TMEM132D: variants seen among roughly 807,000 people sequenced by gnomAD.
TMEM132D encodes the protein mature OL transmembrane protein.
A neutral mutation model predicts 62.3 loss-of-function variants in TMEM132D; 21 were observed. That is an observed-to-expected ratio of 0.34 (90% CI 0.24 to 0.49). The LOEUF (loss-of-function observed/expected upper bound fraction) is 0.49. Among genes scored for constraint, TMEM132D ranks in the 20% least tolerant of loss-of-function variants. The pLI is 0.99. For missense variants in TMEM132D, 1,346 were observed against 1,402.8 expected, an observed-to-expected ratio of 0.96 and a Z score of 0.65; for synonymous variants, 621 against 575.6, an observed-to-expected ratio of 1.08 and a Z score of -1.13.
At chr12:129,104,737 T>C (rs867423745) in intron 5 of TMEM132D, among the ~76,000 whole-genome samples, 3,303 of 149,676 alleles carry the variant, frequency 0.022, 136 homozygotes, top group African/African-American at 0.079. Flanking sequence ...GCGAAGGACA[T>C]GGACAGACAC....
chr12:129,195,607 C>T (rs2135558489), intron 5 of TMEM132D, among the ~76,000 whole-genome samples: 1 of 151,206 alleles, frequency 6.6e-6, no homozygotes, highest in South Asian at 2.1e-4. Context: ...ATAGTTAAAC[C>T]AGGGAAGGCT....
At chr12:129,084,967 G>C in intron 5 of TMEM132D, 1 of 535,764 alleles carries the variant, frequency 1.9e-6, no homozygotes. Context: ...CTCCCCAGGG[G>C]CTGCGTGTGT....
chr12:129,244,400 A>C (rs1277323761), intron 4 of TMEM132D, among the ~76,000 whole-genome samples: 3 of 136,284 alleles, frequency 2.2e-5, no homozygotes, highest in East Asian at 2.0e-4. Flanking sequence ...AAAAAAAAAA[A>C]AAAAAAAAAC....
chr12:129,091,884 C>G (rs1368441853), intron 5 of TMEM132D, among the ~76,000 whole-genome samples: 3 of 152,238 alleles, frequency 2.0e-5, no homozygotes, highest in Non-Finnish European at 4.4e-5. Flanking sequence ...TTCATCCTTG[C>G]CTTCATAGCT....
intron 2 of TMEM132D, among the ~76,000 whole-genome samples, chr12:129,665,053 C>T (rs1880343351): frequency 6.6e-6 from 1 of 152,144 alleles, no homozygotes; most frequent in Admixed American, 6.5e-5. Context: ...TTATTAACTA[C>T]TAACACACAG....
intron 5 of TMEM132D, among the ~76,000 whole-genome samples, chr12:129,100,159 G>A (rs998563689): frequency 1.3e-5 from 2 of 152,122 alleles, no homozygotes; most frequent in Non-Finnish European, 2.9e-5. Flanking sequence ...TCCTGCCTCA[G>A]CCTCCTGAGT....
chr12:129,653,858 C>T (rs1260499536), intron 2 of TMEM132D, among the ~76,000 whole-genome samples: 1 of 152,324 alleles, frequency 6.6e-6, no homozygotes, highest in South Asian at 2.1e-4. Context: ...TTATTAACTA[C>T]AGTCCATACA....
intron 3 of TMEM132D, among the ~76,000 whole-genome samples, chr12:129,387,079 G>A (rs965144725): frequency 6.7e-6 from 1 of 150,148 alleles, no homozygotes; most frequent in African/African-American, 2.5e-5. Flanking sequence ...ACACCAACAC[G>A]AACACTAACA....
rs116941005 is a variant in TMEM132D at position 129,410,651 on chromosome 12, G to A, written c.1116-72834C>T. Among the ~76,000 whole-genome samples the A allele has an allele frequency of 6.0e-3, 916 of 152,214 alleles. 19 individuals are homozygous for A. The highest frequency in any genetic ancestry group is 0.039 in the Admixed American group (593 of 15,294). ...GGGATTACAGGCGTGAGCCACCACC[G>A]TGCCTGGCCTTCTCAATGAACTTCT... On this transcript the variant is annotated intron_variant, in intron 3 of 8. Transcript: ENST00000422113.
intron 3 of TMEM132D, among the ~76,000 whole-genome samples, chr12:129,417,193 G>T (rs1303425884): frequency 2.6e-5 from 4 of 151,858 alleles, no homozygotes; most frequent in Non-Finnish European, 5.9e-5. Context: ...TTTTTTTGTT[G>T]GTAGGCTATT....
chr12:129,209,690 C>T, intron 4 of TMEM132D, 27 bp from the exon 5 acceptor site: 1 of 1,613,122 alleles, frequency 6.2e-7, no homozygotes, highest in Non-Finnish European at 8.5e-7. Context: ...ACCCTTCCAT[C>T]ACATCCCCTC....
chr12:129,871,729 C>T (rs566032766), intron 1 of TMEM132D, among the ~76,000 whole-genome samples: 1 of 152,294 alleles, frequency 6.6e-6, no homozygotes, highest in Admixed American at 6.5e-5. Flanking sequence ...TGAAATTAGC[C>T]ATGTGGGCGT....
At chr12:129,381,230 C>A (rs1870942034) in intron 3 of TMEM132D, among the ~76,000 whole-genome samples, 2 of 152,288 alleles carry the variant, frequency 1.3e-5, no homozygotes, top group East Asian at 1.9e-4. Context: ...TTAAGAGAAA[C>A]TATGCCAATT....
chr12:129,272,589 C>T (rs1485131468), intron 4 of TMEM132D, among the ~76,000 whole-genome samples: 2 of 151,630 alleles, frequency 1.3e-5, no homozygotes, highest in African/African-American at 4.9e-5. Context: ...GCACGGATGT[C>T]GTCTTTTGAG....
intron 3 of TMEM132D, among the ~76,000 whole-genome samples, chr12:129,529,265 T>A (rs73155253): frequency 0.22 from 32,916 of 152,226 alleles, 3,831 homozygotes; most frequent in East Asian, 0.41. Flanking sequence ...AAGAGCTTTA[T>A]ATTCTATTCA....
intron 1 of TMEM132D, among the ~76,000 whole-genome samples, chr12:129,747,955 C>T (rs1164317846): frequency 6.6e-6 from 1 of 152,178 alleles, no homozygotes; most frequent in Non-Finnish European, 1.5e-5. Context: ...GGACAGGCGA[C>T]GCGTATTTGC....
chr12:129,127,871 GC>G (rs1876262675), intron 5 of TMEM132D, among the ~76,000 whole-genome samples: 1 of 152,208 alleles, frequency 6.6e-6, no homozygotes, highest in Non-Finnish European at 1.5e-5. Flanking sequence ...AGGGCCAGCG[GC>G]CTGCAGACGA....
chr12:129,880,116 C>CA lies in TMEM132D; in HGVS notation c.79+23144dup, dbSNP rs1047486990. 2.5e-4 allele frequency among the ~76,000 whole-genome samples: 37 copies of CA among 148,894 alleles called. No homozygotes were observed. In the South Asian group the frequency reaches 3.2e-3, roughly 13 times the overall value. ...GAAAAAGAGAAAATGTTGAGGGCAG[C>CA]AAAAAAAAAGACACATTACACACAA... On this transcript the variant is annotated intron_variant, in intron 1 of 8. Transcript: ENST00000422113.
intron 3 of TMEM132D, among the ~76,000 whole-genome samples, chr12:129,431,298 C>A (rs1394407122): frequency 6.6e-6 from 1 of 152,218 alleles, no homozygotes; most frequent in Non-Finnish European, 1.5e-5. Context: ...TGTGCTACAT[C>A]TCTGGATTTC....
Sources: gnomAD v4.1 joint callset for allele counts (sites outside exome capture counted in the v4.1 genomes callset) on GRCh38, gnomAD v4.1.1 for gene constraint, MANE v1.5 for transcripts, NCBI Gene and HGNC (gene_info 2026-07-23, HGNC 2026-07-21) for gene names.